Variants in NELL2 observed in about 807,000 individuals in gnomAD.
NELL2 encodes the protein protein kinase C-binding protein NELL2.
A neutral mutation model predicts 109.6 loss-of-function variants in NELL2; 41 were observed. The ratio of observed to expected loss-of-function variants is 0.37; its 90% CI spans 0.29 to 0.49. NELL2 has a LOEUF of 0.49. Among genes scored for constraint, NELL2 ranks in the 20% least tolerant of loss-of-function variants. NELL2 has a pLI of 0.98. For synonymous variants in NELL2, 355 were observed against 344.7 expected (o/e 1.03, Z -0.33); for missense variants, 900 against 1,008.3 (o/e 0.89, Z 1.45).
chr12:44,666,137 T>C (rs535785372), intron 12 of NELL2, among the ~76,000 whole-genome samples: 8 of 152,298 alleles, frequency 5.3e-5, no homozygotes, highest in African/African-American at 1.9e-4. Flanking sequence ...AGTATCTAAA[T>C]ACAGATAAAG....
chr12:44,599,720 G>A (rs1332060329), intron 15 of NELL2, among the ~76,000 whole-genome samples: 1 of 152,086 alleles, frequency 6.6e-6, no homozygotes, highest in Non-Finnish European at 1.5e-5. Flanking sequence ...AGATTCAGTC[G>A]TCTAAAGGAG....
At chr12:44,753,703 T>C (rs553334268) in intron 9 of NELL2, among the ~76,000 whole-genome samples, 1 of 152,226 alleles carries the variant, frequency 6.6e-6, no homozygotes, top group Non-Finnish European at 1.5e-5. Flanking sequence ...ATAATCTGTA[T>C]ATATAAAATG....
chr12:44,885,411 A>T lies in NELL2; in HGVS notation c.39-9511T>A, dbSNP rs77456102. 4.5e-3 allele frequency among the ~76,000 whole-genome samples: 685 copies of T among 152,194 alleles called. 13 individuals are homozygous for T. The highest frequency in any genetic ancestry group is 0.015 in the African/African-American group (629 of 41,478). On this transcript the variant is annotated intron_variant, in intron 1 of 20. Transcript: ENST00000333837. ...ATCCCAAAGCATATGTGAGAAAGCT[A>T]CTGCAACTAGTAAGTGGGTTGGCAA...
At chr12:44,700,546 T>C (rs1014556277) in intron 12 of NELL2, among the ~76,000 whole-genome samples, 6 of 152,134 alleles carry the variant, frequency 3.9e-5, no homozygotes, top group Non-Finnish European at 7.4e-5. Context: ...CCCTTAGATA[T>C]GCTGATTTAC....
chr12:44,918,539 G>A (rs923897523), upstream of NELL2, among the ~76,000 whole-genome samples: 1 of 151,318 alleles, frequency 6.6e-6, no homozygotes, highest in Non-Finnish European at 1.5e-5. Context: ...GTGTGTGTGT[G>A]TGTGTGTGTG....
chr12:44,885,920 C>T (rs1179644041), intron 1 of NELL2, among the ~76,000 whole-genome samples: 1 of 151,586 alleles, frequency 6.6e-6, no homozygotes, highest in Non-Finnish European at 1.5e-5. Flanking sequence ...ATAGTTTTAG[C>T]ATAAGGCTAG....
chr12:44,645,883 T>TTA (rs1947077662), intron 13 of NELL2, among the ~76,000 whole-genome samples: 1 of 152,166 alleles, frequency 6.6e-6, no homozygotes, highest in African/African-American at 2.4e-5. Context: ...TTATAGTATA[T>TTA]TATACTCTTT....
At chr12:44,588,365 C>G (rs557144568) in intron 15 of NELL2, among the ~76,000 whole-genome samples, 13 of 152,112 alleles carry the variant, frequency 8.5e-5, no homozygotes, top group Admixed American at 3.9e-4. Context: ...CCCTCCCAAG[C>G]CAAGCTTCAC....
intron 9 of NELL2, among the ~76,000 whole-genome samples, chr12:44,715,393 C>A (rs926040460): frequency 1.3e-5 from 2 of 151,068 alleles, no homozygotes; most frequent in African/African-American, 4.9e-5. Flanking sequence ...CATAAAAATG[C>A]ATAGAGTATC....
intron 9 of NELL2, among the ~76,000 whole-genome samples, chr12:44,774,027 T>C (rs970998968): frequency 6.6e-6 from 1 of 152,236 alleles, no homozygotes; most frequent in Non-Finnish European, 1.5e-5. Context: ...TCATGTATGT[T>C]ACTACTCCTT....
chr12:44,569,596 T>G (rs1943785195), intron 15 of NELL2, among the ~76,000 whole-genome samples: 1 of 152,190 alleles, frequency 6.6e-6, no homozygotes, highest in African/African-American at 2.4e-5. Context: ...GTTTTAGACC[T>G]CTTTAAAGAT....
chr12:44,601,267 C>T (rs183486218), intron 15 of NELL2, among the ~76,000 whole-genome samples: 42 of 152,204 alleles, frequency 2.8e-4, no homozygotes, highest in African/African-American at 1.0e-3. Flanking sequence ...ATCTATTATA[C>T]ACGACTGATA....
intron 19 of NELL2, among the ~76,000 whole-genome samples, chr12:44,509,941 T>C (rs1014994743): frequency 8.6e-5 from 13 of 151,848 alleles, no homozygotes; most frequent in African/African-American, 2.9e-4. Flanking sequence ...GTTAAGAAAC[T>C]GAAAAAAAGC....
intron 3 of NELL2, among the ~76,000 whole-genome samples, chr12:44,809,017 A>G (rs1194445295): frequency 6.6e-6 from 1 of 152,048 alleles, no homozygotes; most frequent in Non-Finnish European, 1.5e-5. Context: ...AGCATAAATA[A>G]TGCCTGGATA....
At position 44,582,033 on chromosome 12, in the gene NELL2, T is replaced by C. The variant is rs931557422; in HGVS notation, c.1663+25136A>G. On this transcript the variant is annotated intron_variant, in intron 15 of 19. Transcript: ENST00000429094. ...ATTGTATTCTTTAACTTTTTCCACATTTTTCAAGGCTAATTACTTCCTTTC... is the reference window on the plus strand; with the variant it reads ...ATTGTATTCTTTAACTTTTTCCACACTTTTCAAGGCTAATTACTTCCTTTC... Among the ~76,000 whole-genome samples, 3 of 152,196 alleles carry C rather than the reference T, an allele frequency of 2.0e-5. No individual in the cohort carries two copies. The South Asian group carries it at 6.2e-4, about 31-fold the overall frequency.
At chr12:44,624,770 C>T (rs966777380) in intron 13 of NELL2, among the ~76,000 whole-genome samples, 9 of 149,150 alleles carry the variant, frequency 6.0e-5, no homozygotes, top group Admixed American at 4.0e-4. Context: ...CGGTGACTCA[C>T]TAATGCTCCT....
rs1165130845 is a variant in NELL2 at position 44,711,386 on chromosome 12, G to A, written c.1095C>T (p.Thr365=). 2 of 1,611,672 alleles carry A rather than the reference G, an allele frequency of 1.2e-6. No homozygotes were observed. The highest frequency in any genetic ancestry group is 2.7e-5 in the African/African-American group (2 of 74,800). Residue 365 remains threonine (T), a synonymous_variant, in exon 11 of 20, where the codon ACC becomes ACT. Coordinates refer to ENST00000429094, the MANE Select transcript of NELL2 (RefSeq NM_001145108.2). ...AGCCTGAACTCTCAACAAGTTTCATGGTCTGGTCCTGTTAGACAACAGAAA... is the reference window on the plus strand; with the variant it reads ...AGCCTGAACTCTCAACAAGTTTCATAGTCTGGTCCTGTTAGACAACAGAAA... ...VCVLYECKDQ[T]MKLVESSGCP...
chr12:44,606,201 T>A (rs568136196), intron 15 of NELL2, among the ~76,000 whole-genome samples: 32 of 152,240 alleles, frequency 2.1e-4, no homozygotes, highest in African/African-American at 7.2e-4. Flanking sequence ...CTGTGCACAG[T>A]AGCAGATTCT....
In NELL2 at chr12:44,906,788, A is replaced by G. The variant is rs1945723858; in HGVS notation, c.38+7011T>C. 2.0e-5 allele frequency among the ~76,000 whole-genome samples: 3 copies of G among 152,132 alleles called. No individual in the cohort carries two copies. The South Asian group carries it at 6.2e-4, about 31-fold the overall frequency. ...TGACTAAAAATATGTCCAAATAGAA[A>G]TACTGATCTGGCAGCTGGAGTTTAA... is the stretch of plus-strand genomic sequence containing the variant. On this transcript the variant is annotated intron_variant, in intron 1 of 20. Coordinates refer to the NELL2 transcript ENST00000333837.
Sources: allele counts gnomAD v4.1 joint callset (sites outside exome capture counted in the v4.1 genomes callset), GRCh38; gene constraint gnomAD v4.1.1; transcripts MANE v1.5; gene names NCBI Gene and HGNC (gene_info 2026-07-23, HGNC 2026-07-21).